GABRB3: variants seen among roughly 807,000 people sequenced by gnomAD.
The protein encoded by GABRB3 is gamma-aminobutyric acid type A receptor subunit beta3.
Under a neutral mutation model 52.1 loss-of-function variants are expected in GABRB3, and 14 were observed. That is an observed-to-expected ratio of 0.27 (90% confidence interval 0.18 to 0.42). The LOEUF (loss-of-function observed/expected upper bound fraction) is 0.42. Ranked by LOEUF, GABRB3 falls within the 10% of genes least tolerant of loss-of-function variation. GABRB3 has a pLI of 1.00. For synonymous variants in GABRB3, 260 were observed against 232.3 expected (o/e 1.12, Z -1.08); for missense variants, 307 against 609.1 (o/e 0.50, Z 5.22).
At chr15:26,660,502 A>G (rs1176845289) in intron 3 of GABRB3, among the ~76,000 whole-genome samples, 2 of 152,210 alleles carry the variant, frequency 1.3e-5, no homozygotes, top group Admixed American at 1.3e-4. Context: ...TAGAATGAAA[A>G]GCAACTGGCA....
intron 6 of GABRB3, among the ~76,000 whole-genome samples, chr15:26,569,544 T>C (rs1330796237): frequency 1.3e-5 from 2 of 152,234 alleles, no homozygotes; most frequent in Non-Finnish European, 2.9e-5. Flanking sequence ...GCTGTAGATT[T>C]AGGTGTTTTC....
chr15:26,757,793 CA>C lies in GABRB3; in HGVS notation c.240+14608del, dbSNP rs755549675. On this transcript the variant is annotated intron_variant, in intron 3 of 8. Coordinates refer to ENST00000311550, the MANE Select transcript of GABRB3 (RefSeq NM_000814.6). ...GCTCCCACTGTCAACCTACAAAATG[CA>C]AAGTGCTTTGATAAGCCTAGAATTT... Among the ~76,000 whole-genome samples the C allele has an allele frequency of 7.2e-5, 11 of 152,324 alleles. No homozygotes were observed. The South Asian group carries it at 1.2e-3, about 17-fold the overall frequency.
At chr15:26,773,511 G>C, upstream of GABRB3, 1 of 543,288 alleles carries the variant, frequency 1.8e-6, no homozygotes, top group South Asian at 3.6e-5. Context: ...GGCCGCCGAA[G>C]TTGGCCCCGC....
chr15:26,688,921 GTTTC>G (rs1298888882), intron 3 of GABRB3, among the ~76,000 whole-genome samples: 1 of 152,168 alleles, frequency 6.6e-6, no homozygotes, highest in African/African-American at 2.4e-5. Context: ...CTTTATTCTG[GTTTC>G]TTTAAGCCCC....
intron 3 of GABRB3, among the ~76,000 whole-genome samples, chr15:26,756,907 C>A (rs548850324): frequency 3.2e-4 from 49 of 152,280 alleles, no homozygotes; most frequent in African/African-American, 1.1e-3. Flanking sequence ...CAGCTCCTTG[C>A]AGGTTGTAAC....
intron 7 of GABRB3, among the ~76,000 whole-genome samples, chr15:26,563,230 G>A (rs781341474): frequency 6.6e-6 from 1 of 152,138 alleles, no homozygotes; most frequent in Non-Finnish European, 1.5e-5. Flanking sequence ...ACAGGAATAG[G>A]TACAGCCAGC....
intron 3 of GABRB3, chr15:26,629,066 G>C (rs778355533): frequency 2.1e-5 from 33 of 1,535,972 alleles, no homozygotes; most frequent in Non-Finnish European, 2.8e-5. Flanking sequence ...GAGAGCCTCC[G>C]CCACGCTAAC....
At chr15:26,727,597 A>C (rs930870099) in intron 3 of GABRB3, among the ~76,000 whole-genome samples, 1 of 152,158 alleles carries the variant, frequency 6.6e-6, no homozygotes, top group Non-Finnish European at 1.5e-5. Flanking sequence ...TTGCTCCTAG[A>C]AGCCCTGATT....
intron 3 of GABRB3, among the ~76,000 whole-genome samples, chr15:26,709,718 C>T (rs1331554260): frequency 6.6e-6 from 1 of 151,874 alleles, no homozygotes; most frequent in Non-Finnish European, 1.5e-5. Context: ...AGGGTTTCAC[C>T]CTGTTAGCCA....
chr15:26,670,258 A>C (rs1364581614), intron 3 of GABRB3, among the ~76,000 whole-genome samples: 1 of 152,126 alleles, frequency 6.6e-6, no homozygotes, highest in East Asian at 1.9e-4. Flanking sequence ...CCAGGTGGGC[A>C]TGGAGGGGCG....
At chr15:26,757,250 C>A (rs892105502) in intron 3 of GABRB3, among the ~76,000 whole-genome samples, 1 of 152,108 alleles carries the variant, frequency 6.6e-6, no homozygotes, top group African/African-American at 2.4e-5. Context: ...GTGTCAGCTC[C>A]CCAGGCCAAG....
intron 8 of GABRB3, among the ~76,000 whole-genome samples, chr15:26,554,045 T>TC (rs1889604676): frequency 2.7e-5 from 1 of 37,444 alleles, no homozygotes; most frequent in Non-Finnish European, 5.9e-5. Flanking sequence ...ATTTATTTAT[T>TC]TATATTTATT....
chr15:26,653,356 T>A (rs1209507641), intron 3 of GABRB3, among the ~76,000 whole-genome samples: 1 of 152,192 alleles, frequency 6.6e-6, no homozygotes, highest in African/African-American at 2.4e-5. Context: ...AAACCCTGCA[T>A]TCTAATGCAT....
intron 3 of GABRB3, among the ~76,000 whole-genome samples, chr15:26,670,354 C>A (rs530150526): frequency 2.0e-5 from 3 of 152,146 alleles, no homozygotes; most frequent in Non-Finnish European, 4.4e-5. Flanking sequence ...CAGACCCGGT[C>A]CAGGCACTGC....
chr15:26,750,095 GTCT>G (rs1279794954), intron 3 of GABRB3: 2 of 152,144 alleles, frequency 1.3e-5, no homozygotes, highest in Non-Finnish European at 2.9e-5. Flanking sequence ...CTTCCCCTGT[GTCT>G]TCACGCCTTT....
intron 5 of GABRB3, chr15:26,581,279 A>T (rs1375697113): frequency 2.0e-5 from 3 of 152,422 alleles, no homozygotes; most frequent in African/African-American, 7.2e-5. Context: ...ATATTATCTC[A>T]ATATAAGACT....
intron 3 of GABRB3, among the ~76,000 whole-genome samples, chr15:26,771,177 T>C (rs1891133818): frequency 6.6e-6 from 1 of 152,164 alleles, no homozygotes; most frequent in Non-Finnish European, 1.5e-5. Context: ...TTAAAAATAG[T>C]TTTACTTTAT....
intron 3 of GABRB3, among the ~76,000 whole-genome samples, chr15:26,670,125 G>A (rs1028591719): frequency 5.9e-5 from 9 of 152,208 alleles, no homozygotes; most frequent in African/African-American, 1.7e-4. Context: ...GAAGTCTCCC[G>A]GTGCGGGAGC....
chr15:26,596,108 G>A (rs954410148), intron 4 of GABRB3, among the ~76,000 whole-genome samples: 4 of 152,208 alleles, frequency 2.6e-5, no homozygotes, highest in South Asian at 4.1e-4. Context: ...GGTTGATCAC[G>A]GCAGGAGAGG....
Sources: gnomAD v4.1 joint callset for allele counts (sites outside exome capture counted in the v4.1 genomes callset) on GRCh38, gnomAD v4.1.1 for gene constraint, MANE v1.5 for transcripts, NCBI Gene and HGNC (gene_info 2026-07-23, HGNC 2026-07-21) for gene names.